CSMD1: variants seen among roughly 807,000 people sequenced by gnomAD.
The protein encoded by CSMD1 is CUB and sushi domain-containing protein 1.
In CSMD1, 213 loss-of-function variants were observed where a neutral mutation model predicts 417.5. The observed-to-expected ratio is 0.51, with a 90% CI of 0.46 to 0.57. The LOEUF is 0.57. Among genes scored for constraint, CSMD1 ranks in the 20% least tolerant of loss-of-function variants. The pLI, the probability that CSMD1 is intolerant of heterozygous loss-of-function variation, is 0.00. For missense variants in CSMD1, 6,923 were observed against 4,529.7 expected (o/e 1.53, Z -15.17); for synonymous variants, 2,862 against 1,736.8 (o/e 1.65, Z -16.11).
rs766012091 is a variant in CSMD1 at position 4,732,942 on chromosome 8, G to A, written c.86-95384C>T. 7.4e-4 allele frequency among the ~76,000 whole-genome samples: 112 copies of A among 152,030 alleles called. 1 individual carries two copies. Among genetic ancestry groups the A allele is most frequent in the Non-Finnish European group, 8.1e-4 (55 of 68,016 alleles). On this transcript the variant is annotated intron_variant, in intron 1 of 69. Coordinates refer to ENST00000635120, the MANE Select transcript of CSMD1 (RefSeq NM_033225.6). Reference sequence around the variant, plus strand: ...GAGGAGATCGGGAGGCAGCAAGGGCGGAGAAGGAGGGAACAGGTGCATTTG... The same window carrying A: ...GAGGAGATCGGGAGGCAGCAAGGGCAGAGAAGGAGGGAACAGGTGCATTTG...
At chr8:3,515,038 C>T (rs1797229512) in intron 10 of CSMD1, among the ~76,000 whole-genome samples, 2 of 152,176 alleles carry the variant, frequency 1.3e-5, no homozygotes, top group South Asian at 2.1e-4. Flanking sequence ...TATAATCCAT[C>T]GACTATATTC....
At chr8:4,734,283 T>A (rs932636373) in intron 1 of CSMD1, among the ~76,000 whole-genome samples, 1 of 152,164 alleles carries the variant, frequency 6.6e-6, no homozygotes, top group African/African-American at 2.4e-5. Flanking sequence ...ATGTGATATA[T>A]TGAGCAGTAC....
intron 6 of CSMD1, among the ~76,000 whole-genome samples, chr8:3,709,604 A>G (rs995747565): frequency 2.8e-4 from 42 of 150,484 alleles, no homozygotes; most frequent in African/African-American, 1.0e-3. Flanking sequence ...GAAGGCCCAA[A>G]TAGAACAAAA....
chr8:4,131,977 G>A (rs370710095), intron 3 of CSMD1, among the ~76,000 whole-genome samples: 1 of 151,822 alleles, frequency 6.6e-6, no homozygotes, highest in Non-Finnish European at 1.5e-5. Flanking sequence ...TGTTAGCCAG[G>A]ATGGTCTCGA....
At chr8:3,791,823 A>G (rs1799758598) in intron 5 of CSMD1, among the ~76,000 whole-genome samples, 1 of 129,842 alleles carries the variant, frequency 7.7e-6, no homozygotes, top group African/African-American at 3.5e-5. Flanking sequence ...ACTCAGTATC[A>G]AATAATAATA....
At chr8:4,741,814 T>C (rs545108108) in intron 1 of CSMD1, among the ~76,000 whole-genome samples, 40 of 152,092 alleles carry the variant, frequency 2.6e-4, no homozygotes, top group Non-Finnish European at 7.4e-5. Flanking sequence ...TGGTGATTCA[T>C]GTACACTTTA....
At chr8:2,995,942 G>A (rs1806854680) in intron 54 of CSMD1, among the ~76,000 whole-genome samples, 1 of 152,164 alleles carries the variant, frequency 6.6e-6, no homozygotes, top group African/African-American at 2.4e-5. Flanking sequence ...GAGTAAGGCG[G>A]ATTCTAGTGA....
intron 12 of CSMD1, among the ~76,000 whole-genome samples, chr8:3,413,279 TATTA>T (rs1812930351): frequency 6.6e-6 from 1 of 152,210 alleles, no homozygotes; most frequent in African/African-American, 2.4e-5. Context: ...CTATTTTTAA[TATTA>T]ATTAACTCAG....
chr8:4,541,474 G>A (rs974177450), intron 2 of CSMD1, among the ~76,000 whole-genome samples: 5 of 152,130 alleles, frequency 3.3e-5, no homozygotes, highest in East Asian at 1.9e-4. Context: ...ATCGGTAGGC[G>A]TCGTGGCTCA....
At chr8:4,049,573 C>G (rs909686899) in intron 3 of CSMD1, among the ~76,000 whole-genome samples, 4 of 152,076 alleles carry the variant, frequency 2.6e-5, no homozygotes, top group African/African-American at 9.7e-5. Context: ...TTATACCCAA[C>G]TACTACCTGC....
chr8:3,671,560 CATATATATATATATATATATAT>C (rs752837903), intron 7 of CSMD1, among the ~76,000 whole-genome samples: 4 of 6,520 alleles, frequency 6.1e-4, no homozygotes, highest in South Asian at 4.1e-3. Flanking sequence ...TATATATGAT[CATATATATATATATATATATAT>C]ATATATATAT....
chr8:4,778,079 G>C (rs1431581772), intron 1 of CSMD1, among the ~76,000 whole-genome samples: 1 of 152,084 alleles, frequency 6.6e-6, no homozygotes, highest in African/African-American at 2.4e-5. Flanking sequence ...GCATACTGGT[G>C]CAATATTTTA....
In CSMD1 at chr8:2,966,586, A is replaced by C. The variant is rs777958919; in HGVS notation, c.9084T>G (p.Thr3028=). The C allele has an allele frequency of 5.0e-6, 8 of 1,613,654 alleles. No individual in the cohort carries two copies. Among genetic ancestry groups the C allele is most frequent in the Non-Finnish European group, 5.9e-6 (7 of 1,179,700 alleles). The change falls in exon 58 of 70, where the codon ACT becomes ACG. Residue 3028 remains threonine, a synonymous_variant. Transcript: ENST00000635120. The part of the protein sequence containing the change: ...HCTANGTWTG[T]APDCTIISCG... ...CTTACTAACTTGTGCAGTCGGGAGC[A>C]GTGCCTGTCCAGGTCCCATTGGCTG... is the stretch of plus-strand genomic sequence containing the variant.
rs73183519 is a variant in CSMD1 at position 3,097,200 on chromosome 8, T to C, written c.6950-163A>G. 2.7e-3 allele frequency among the ~76,000 whole-genome samples: 407 copies of C among 152,272 alleles called. 5 individuals are homozygous for C. Among genetic ancestry groups the C allele is most frequent in the South Asian group, 0.012 (59 of 4,828 alleles). On this transcript the variant is annotated intron_variant, in intron 46 of 69. Coordinates refer to ENST00000635120, the MANE Select transcript of CSMD1 (RefSeq NM_033225.6). ...ATGCAAACACAGAGGGAGGGCAACA[T>C]TGAATAATCATGAGAATTGTGCATC...
intron 1 of CSMD1, among the ~76,000 whole-genome samples, chr8:4,751,843 C>A (rs938350264): frequency 1.3e-5 from 2 of 152,124 alleles, no homozygotes; most frequent in East Asian, 3.9e-4. Context: ...TGTTCTCTGT[C>A]CGAAAATAGT....
chr8:4,934,238 C>G (rs1221458190), intron 1 of CSMD1, among the ~76,000 whole-genome samples: 1 of 152,114 alleles, frequency 6.6e-6, no homozygotes, highest in African/African-American at 2.4e-5. Flanking sequence ...AGACATCCCC[C>G]AAGGCAGAAA....
intron 3 of CSMD1, among the ~76,000 whole-genome samples, chr8:4,327,390 A>G (rs1025807336): frequency 6.6e-6 from 1 of 152,178 alleles, no homozygotes; most frequent in South Asian, 2.1e-4. Context: ...AGACTCTGCT[A>G]ATGTATTTCC....
chr8:4,016,026 G>A (rs1035678539), intron 4 of CSMD1, among the ~76,000 whole-genome samples: 2 of 152,120 alleles, frequency 1.3e-5, no homozygotes, highest in African/African-American at 2.4e-5. Context: ...TTTCAGCCTT[G>A]GACATGACAT....
chr8:3,992,192 C>T (rs1235382624), intron 5 of CSMD1, among the ~76,000 whole-genome samples: 2 of 150,156 alleles, frequency 1.3e-5, no homozygotes, highest in Non-Finnish European at 1.5e-5. Context: ...AATATATTTA[C>T]ATTCATATTT....
Sources: allele counts gnomAD v4.1 joint callset (sites outside exome capture counted in the v4.1 genomes callset), GRCh38; gene constraint gnomAD v4.1.1; transcripts MANE v1.5; gene names NCBI Gene and HGNC (gene_info 2026-07-23, HGNC 2026-07-21).